SYCP2L: variants seen among roughly 807,000 people sequenced by gnomAD.
SYCP2L encodes synaptonemal complex protein 2-like.
Under a neutral mutation model 125.8 loss-of-function variants are expected in SYCP2L, and 98 were observed. The ratio of observed to expected loss-of-function variants is 0.78; its 90% CI spans 0.66 to 0.92. SYCP2L has a LOEUF of 0.92. Among genes scored for constraint, SYCP2L ranks in the 40% least tolerant of loss-of-function variants. SYCP2L has a pLI of 0.00. For missense variants in SYCP2L, 842 were observed against 936.4 expected, an observed-to-expected ratio of 0.90 and a Z score of 1.32; for synonymous variants, 317 against 325.4, an observed-to-expected ratio of 0.97 and a Z score of 0.28.
At chr6:10,924,803 A>C (rs1194731556) in intron 15 of SYCP2L, among the ~76,000 whole-genome samples, 162 bp downstream of exon 15, 1 of 152,230 alleles carries the variant, frequency 6.6e-6, no homozygotes, top group African/African-American at 2.4e-5. Context: ...TTTAAATCCC[A>C]GTTTTCCCTT....
intron 4 of SYCP2L, among the ~76,000 whole-genome samples, chr6:10,894,628 G>A (rs1780227005): frequency 6.6e-6 from 1 of 152,014 alleles, no homozygotes; most frequent in Admixed American, 6.6e-5. Flanking sequence ...TCTAAACCTT[G>A]GATGAATCTG....
chr6:10,964,926 CAGTG>C (rs1276129451), intron 29 of SYCP2L, among the ~76,000 whole-genome samples: 1 of 152,104 alleles, frequency 6.6e-6, no homozygotes, highest in African/African-American at 2.4e-5. Flanking sequence ...CTTTGAGAAA[CAGTG>C]AGTAAGGGAA....
chr6:10,888,664 C>G (rs1199892218), intron 1 of SYCP2L, among the ~76,000 whole-genome samples: 1 of 152,116 alleles, frequency 6.6e-6, no homozygotes, highest in East Asian at 1.9e-4. Context: ...CAGAGCATCT[C>G]TGCATACGAA....
At chr6:10,970,279 A>G (rs773763846) in intron 29 of SYCP2L, among the ~76,000 whole-genome samples, 2 of 152,160 alleles carry the variant, frequency 1.3e-5, no homozygotes, top group Non-Finnish European at 2.9e-5. Context: ...ATATTAATAT[A>G]CTTAGTATAT....
intron 25 of SYCP2L, 59 bp downstream of exon 25, chr6:10,956,301 A>G (rs964997213): frequency 2.2e-5 from 28 of 1,269,024 alleles, no homozygotes; most frequent in African/African-American, 3.0e-5. Context: ...ACATTATGCT[A>G]AGTGAAATAA....
In SYCP2L at chr6:10,893,749, T is replaced by G. The variant is rs1780211867; in HGVS notation, c.79-118T>G. 7 of 1,099,604 alleles carry G rather than the reference T, an allele frequency of 6.4e-6. No homozygotes were observed. The Admixed American group carries it at 1.7e-4, about 26-fold the overall frequency. 68.1% of individuals were successfully genotyped at this position (1,099,604 alleles called of 1,614,324 possible). ...CTATTCAAGATAGAGATCTCCATTC[T>G]ATATTTACCCTATATTATTTCACAC... is the stretch of plus-strand genomic sequence containing the variant. On this transcript the variant is annotated intron_variant, in intron 2 of 29. Transcript: ENST00000283141.
chr6:10,945,756 T>G, intron 23 of SYCP2L, among the ~76,000 whole-genome samples: 2 of 111,092 alleles, frequency 1.8e-5, no homozygotes, highest in Admixed American at 1.3e-4. Context: ...GGTAACAGAG[T>G]GAGACTCCAT....
chr6:10,892,497 A>G (rs534208381), intron 2 of SYCP2L, among the ~76,000 whole-genome samples: 16 of 152,186 alleles, frequency 1.1e-4, no homozygotes, highest in Non-Finnish European at 2.4e-4. Flanking sequence ...CTGGGTCTCA[A>G]TATATTGCCC....
chr6:10,906,480 A>C (rs1429499926), intron 9 of SYCP2L, among the ~76,000 whole-genome samples: 1 of 152,170 alleles, frequency 6.6e-6, no homozygotes, highest in African/African-American at 2.4e-5. Flanking sequence ...AGCATTCTAT[A>C]AATGCCATTC....
At chr6:10,957,499 A>ATGG (rs1231168079) in intron 25 of SYCP2L, among the ~76,000 whole-genome samples, 1 of 152,116 alleles carries the variant, frequency 6.6e-6, no homozygotes, top group Non-Finnish European at 1.5e-5. Context: ...GAGGGGAAGG[A>ATGG]TGGAACCAAG....
chr6:10,942,550 A>G (rs191434201), intron 22 of SYCP2L, 21 bp downstream of exon 22: 2 of 1,593,520 alleles, frequency 1.3e-6, no homozygotes, highest in African/African-American at 1.3e-5. Context: ...ATTGTTGGTT[A>G]TTCATCTGAT....
chr6:10,966,399 C>T (rs1781678696), intron 29 of SYCP2L, among the ~76,000 whole-genome samples: 1 of 152,110 alleles, frequency 6.6e-6, no homozygotes, highest in Non-Finnish European at 1.5e-5. Flanking sequence ...ATTAGTTACT[C>T]TGTAGTATGA....
At chr6:10,931,352 AGTGT>A in intron 19 of SYCP2L, 84 bp from the exon 20 acceptor site, 1 of 1,278,766 alleles carries the variant, frequency 7.8e-7, no homozygotes, top group Non-Finnish European at 1.1e-6. Flanking sequence ...AATTGCTTTT[AGTGT>A]TAGCATATTG....
intron 10 of SYCP2L, among the ~76,000 whole-genome samples, chr6:10,907,892 G>GTTTTTTTTTTTTTTGTTTTTT (rs1780527260): frequency 1.1e-5 from 1 of 91,922 alleles, no homozygotes; most frequent in Non-Finnish European, 2.0e-5. Context: ...ATACAGATAG[G>GTTTTTTTTTTTTTTGTTTTTT]TTTTTTTTTT....
rs528059795 is a variant in SYCP2L at position 10,915,946 on chromosome 6, G to A, written c.1072+3019G>A. On this transcript the variant is annotated intron_variant, in intron 14 of 29. Transcript: ENST00000283141. ...TAGAATTCTGCTGTGAATCTGTCTG[G>A]TCCTGGACTTTTTGGTGTTGGTAAT... Among the ~76,000 whole-genome samples, 7 of 152,228 alleles carry A rather than the reference G, an allele frequency of 4.6e-5. No individual in the cohort carries two copies. The South Asian group carries it at 1.5e-3, about 32-fold the overall frequency.
At chr6:10,923,449 G>A (rs1349610259) in intron 14 of SYCP2L, among the ~76,000 whole-genome samples, 1 of 130,994 alleles carries the variant, frequency 7.6e-6, no homozygotes, top group African/African-American at 2.9e-5. Context: ...GCAGTGGCAT[G>A]ATCTCGGCTC....
chr6:10,888,120 G>A (rs1031163798), intron 1 of SYCP2L, among the ~76,000 whole-genome samples: 17 of 89,100 alleles, frequency 1.9e-4, no homozygotes, highest in Non-Finnish European at 1.7e-4. Context: ...TTTTTGAGAC[G>A]GAGTCTCATT....
intron 8 of SYCP2L, among the ~76,000 whole-genome samples, chr6:10,905,733 A>C (rs1780477774): frequency 6.6e-6 from 1 of 152,230 alleles, no homozygotes; most frequent in South Asian, 2.1e-4. Flanking sequence ...AATTAATCTG[A>C]TGAACCCTTA....
intron 2 of SYCP2L, among the ~76,000 whole-genome samples, chr6:10,893,109 G>T (rs1248390910): frequency 6.9e-6 from 1 of 144,982 alleles, no homozygotes; most frequent in African/African-American, 2.5e-5. Context: ...AGGTTCAAGC[G>T]ATTCTCCTGC....
Sources: gnomAD v4.1 joint callset for allele counts (sites outside exome capture counted in the v4.1 genomes callset) on GRCh38, gnomAD v4.1.1 for gene constraint, MANE v1.5 for transcripts, NCBI Gene and HGNC (gene_info 2026-07-23, HGNC 2026-07-21) for gene names.